The following VPS13A variants were observed in gnomAD, a reference collection of about 807,000 sequenced individuals.
The protein encoded by VPS13A is intermembrane lipid transfer protein VPS13A.
VPS13A carries 264 observed loss-of-function variants against 390.9 expected under a neutral mutation model. The observed-to-expected ratio is 0.68, with a 90% CI of 0.61 to 0.75. VPS13A has a LOEUF of 0.75. Ranked by LOEUF, VPS13A falls within the 30% of genes least tolerant of loss-of-function variation. The pLI, the probability that VPS13A is intolerant of heterozygous loss-of-function variation, is 0.00. For synonymous variants in VPS13A, 1,231 were observed against 1,227.1 expected (o/e 1.00, Z -0.07); for missense variants, 3,409 against 3,733.9 (o/e 0.91, Z 2.27).
chr9:77,386,897 TG>T (rs1369559233), intron 68 of VPS13A, among the ~76,000 whole-genome samples: 1 of 151,902 alleles, frequency 6.6e-6, no homozygotes, highest in Non-Finnish European at 1.5e-5. Context: ...TTAGTAGAGA[TG>T]GGGTTTCACC....
intron 68 of VPS13A, among the ~76,000 whole-genome samples, chr9:77,393,233 A>G (rs1833973443): frequency 6.6e-6 from 1 of 152,232 alleles, no homozygotes; most frequent in Non-Finnish European, 1.5e-5. Flanking sequence ...GTTTTATCAT[A>G]GGATTGTAAC....
intron 13 of VPS13A, among the ~76,000 whole-genome samples, chr9:77,223,780 A>T (rs1386099138): frequency 6.6e-6 from 1 of 152,194 alleles, no homozygotes; most frequent in East Asian, 1.9e-4. Flanking sequence ...GATCCTGAAG[A>T]TCTAGCTAAG....
intron 68 of VPS13A, among the ~76,000 whole-genome samples, chr9:77,400,005 G>T (rs926580834): frequency 2.0e-5 from 3 of 152,084 alleles, no homozygotes; most frequent in Non-Finnish European, 4.4e-5. Flanking sequence ...TTGTATGGCT[G>T]TACATGAATT....
chr9:77,207,229 AT>A (rs1825697893), intron 5 of VPS13A, among the ~76,000 whole-genome samples: 4 of 98,744 alleles, frequency 4.1e-5, no homozygotes, highest in African/African-American at 9.4e-5. Context: ...ATATATATAT[AT>A]ATATATATAT....
At chr9:77,246,005 A>C (rs554996716) in intron 19 of VPS13A, among the ~76,000 whole-genome samples, 11 of 152,248 alleles carry the variant, frequency 7.2e-5, no homozygotes, top group African/African-American at 2.6e-4. Flanking sequence ...ACAAGCTCTA[A>C]CTAAAAGAGC....
At chr9:77,337,790 T>G in intron 47 of VPS13A, 1 of 370,504 alleles carries the variant, frequency 2.7e-6, no homozygotes, top group South Asian at 5.4e-5. Context: ...CTTAAAAGAT[T>G]GTATACTTTG....
rs747937766 is a variant in VPS13A, at chr9:77,260,144, C to A, written c.2347C>A (p.Gln783Lys). Residue 783 changes from glutamine (Q) to lysine (K), a missense_variant, in exon 23 of 72, where the codon CAA becomes AAA. Gln to Lys is a moderately conservative substitution (Grantham distance 53). This residue lies in a region of VPS13A where 2,717 missense variants were observed against 2,917.4 expected (regional missense o/e 0.93). Transcript: ENST00000360280. ...ISLRISDKKLQGIMELIESIP... is the reference protein window; with the variant it reads ...ISLRISDKKLKGIMELIESIP... ...TTTACGAATCTCAGATAAAAAACTA[C>A]AAGGGATTATGGAATTGATTGAAAG... is the stretch of plus-strand genomic sequence containing the variant. 1 of 1,598,732 alleles carries A rather than the reference C, an allele frequency of 6.3e-7. No homozygotes were observed.
intron 53 of VPS13A, among the ~76,000 whole-genome samples, chr9:77,352,735 C>T (rs1033833306): frequency 6.6e-6 from 1 of 151,840 alleles, no homozygotes; most frequent in African/African-American, 2.4e-5. Context: ...GTAAGTATCC[C>T]CAGATAATTA....
At chr9:77,371,305 C>G (rs1330604709) in intron 67 of VPS13A, among the ~76,000 whole-genome samples, 156 bp downstream of exon 67, 1 of 152,078 alleles carries the variant, frequency 6.6e-6, no homozygotes, top group Non-Finnish European at 1.5e-5. Context: ...TTATAATGAA[C>G]AGAAATTTAT....
chr9:77,354,077 T>G (rs1831625427), intron 54 of VPS13A, among the ~76,000 whole-genome samples: 1 of 152,102 alleles, frequency 6.6e-6, no homozygotes, highest in African/African-American at 2.4e-5. Context: ...GTATTTATCA[T>G]TTCTCGTATA....
intron 67 of VPS13A, among the ~76,000 whole-genome samples, chr9:77,378,507 C>T (rs1316550088): frequency 6.6e-6 from 1 of 151,844 alleles, no homozygotes; most frequent in Non-Finnish European, 1.5e-5. Context: ...TCCTAGTATT[C>T]CCTTATAATT....
Position 77,276,131 on chromosome 9 carries a change from G to A in VPS13A, c.2734G>A (p.Gly912Arg), listed in dbSNP as rs980728315. 6.2e-7 allele frequency: 1 copy of A among 1,613,054 alleles called. No homozygotes were observed. The highest frequency in any genetic ancestry group is 1.3e-5 in the African/African-American group (1 of 74,880). Reference protein sequence around the residue: ...ELSVVEILVLGLGAEIEIRTY... With the variant: ...ELSVVEILVLRLGAEIEIRTY... ...ATCTGTGGTAGAAATTCTTGTTTTA[G>A]GATTGGGTGCAGAAATTGAGATTAG... Residue 912 changes from glycine (G) to arginine (R), a missense_variant, in exon 26 of 72, where the codon GGA becomes AGA. By Grantham distance (125) the Gly-to-Arg change is moderately radical (BLOSUM62 -2). This residue lies in a region of VPS13A where 2,717 missense variants were observed against 2,917.4 expected (regional missense o/e 0.93). Transcript: ENST00000360280.
intron 62 of VPS13A, among the ~76,000 whole-genome samples, chr9:77,368,582 A>G (rs1238636790): frequency 5.3e-5 from 8 of 152,096 alleles, no homozygotes; most frequent in Non-Finnish European, 4.4e-5. Context: ...AGTATCTGAT[A>G]TAGCTGTGGT....
intron 68 of VPS13A, among the ~76,000 whole-genome samples, chr9:77,388,449 C>A (rs1833778562): frequency 1.2e-4 from 18 of 152,106 alleles, no homozygotes; most frequent in Admixed American, 1.0e-3. Context: ...ATTTATCATT[C>A]TCAATAAGTA....
chr9:77,190,751 CT>C (rs1824628641), intron 1 of VPS13A, among the ~76,000 whole-genome samples: 2 of 152,110 alleles, frequency 1.3e-5, no homozygotes, highest in African/African-American at 4.8e-5. Flanking sequence ...AATTTCAGAA[CT>C]CATTATTGCT....
chr9:77,293,604 A>T, intron 32 of VPS13A, 96 bp downstream of exon 32: 1 of 667,516 alleles, frequency 1.5e-6, no homozygotes, highest in Non-Finnish European at 2.2e-6. Context: ...CTTGCTTGAG[A>T]TTTTTTCTGA....
At chr9:77,298,803 C>A (rs889773968) in intron 33 of VPS13A, among the ~76,000 whole-genome samples, 2 of 152,138 alleles carry the variant, frequency 1.3e-5, no homozygotes, top group African/African-American at 4.8e-5. Context: ...TTCCCCCATA[C>A]TGTTCTCATG....
intron 50 of VPS13A, among the ~76,000 whole-genome samples, chr9:77,341,703 T>TTTTTTTTTTTTTTTTTTG (rs1830829290): frequency 7.1e-6 from 1 of 141,400 alleles, no homozygotes. Flanking sequence ...TTTTTTTTTT[T>TTTTTTTTTTTTTTTTTTG]TTTTTTTTTT....
chr9:77,381,896 T>TTATTTTTTATTTCAG, intron 67 of VPS13A, 80 bp from the exon 68 acceptor site: 1 of 883,486 alleles, frequency 1.1e-6, no homozygotes, highest in Non-Finnish European at 1.8e-6. Context: ...AATAAGATTG[T>TTATTTTTTATTTCAG]TTTTAGTAAT....
Sources: allele counts gnomAD v4.1 joint callset (sites outside exome capture counted in the v4.1 genomes callset), GRCh38; gene constraint gnomAD v4.1.1; regional missense constraint gnomAD v4.1.1; transcripts MANE v1.5; gene names NCBI Gene and HGNC (gene_info 2026-07-23, HGNC 2026-07-21).